Variants in PLSCR1 observed in about 807,000 individuals in gnomAD.
PLSCR1 encodes the protein PL scramblase 1.
Under a neutral mutation model 37.8 loss-of-function variants are expected in PLSCR1, and 17 were observed. That is an observed-to-expected ratio of 0.45 (90% CI 0.31 to 0.68). The LOEUF (loss-of-function observed/expected upper bound fraction) is 0.68. Ranked by LOEUF, PLSCR1 falls within the 30% of genes least tolerant of loss-of-function variation. PLSCR1 has a pLI of 0.06. For synonymous variants in PLSCR1, 116 were observed against 125.9 expected, an observed-to-expected ratio of 0.92 and a Z score of 0.53; for missense variants, 347 against 380.9, an observed-to-expected ratio of 0.91 and a Z score of 0.74.
chr3:146,543,500 C>T (rs1325520225), intron 1 of PLSCR1, among the ~76,000 whole-genome samples: 1 of 152,214 alleles, frequency 6.6e-6, no homozygotes, highest in Non-Finnish European at 1.5e-5. Context: ...AACTGTCTGA[C>T]ACGTTTAAGT....
intron 7 of PLSCR1, among the ~76,000 whole-genome samples, chr3:146,519,872 A>T (rs919071889): frequency 6.6e-6 from 1 of 152,062 alleles, no homozygotes; most frequent in African/African-American, 2.4e-5. Flanking sequence ...TATCTCCAAA[A>T]TTTTTTTCAT....
At chr3:146,527,265 A>G (rs115956534) in intron 4 of PLSCR1, among the ~76,000 whole-genome samples, 1,898 of 152,340 alleles carry the variant, frequency 0.012, 41 homozygotes, top group African/African-American at 0.044. Flanking sequence ...CTAGTGTTCT[A>G]TAGCTATGTA....
At chr3:146,536,159 T>C (rs868742505) in intron 2 of PLSCR1, among the ~76,000 whole-genome samples, 15 of 152,198 alleles carry the variant, frequency 9.9e-5, no homozygotes, top group African/African-American at 3.4e-4. Context: ...GGTGTGTATC[T>C]GAGGAGTTTA....
At chr3:146,521,476 T>C in intron 7 of PLSCR1, 68 bp downstream of exon 7, 1 of 1,324,588 alleles carries the variant, frequency 7.5e-7, no homozygotes, top group Non-Finnish European at 1.1e-6. Flanking sequence ...GCATTTATAA[T>C]GTCCTGCAAA....
At chr3:146,516,856 A>T (rs2043954099) in intron 8 of PLSCR1, 150 bp downstream of exon 8, 4 of 583,046 alleles carry the variant, frequency 6.9e-6, no homozygotes, top group Non-Finnish European at 1.2e-5. Flanking sequence ...GTCAGGATCA[A>T]ATAGAATTTC....
In PLSCR1 at chr3:146,528,794, G is replaced by T; in HGVS notation, c.132C>A (p.Val44=). 6.2e-7 allele frequency: 1 copy of T among 1,613,964 alleles called. No individual in the cohort carries two copies. The highest frequency in any genetic ancestry group is 1.1e-5 in the South Asian group (1 of 91,082). ...PGYSGYPGPQ[V]SYPPPPAGHS... ...GGCCGGCTGGTGGGGGTGGGTAGCT[G>T]ACCTGGGGCCCAGGGTAGCCACTAT... The change falls in exon 4 of 9, where the codon GTC becomes GTA. Residue 44 remains valine (V), a synonymous_variant. Transcript: ENST00000342435.
chr3:146,532,158 A>G (rs1352278409), intron 3 of PLSCR1, among the ~76,000 whole-genome samples: 1 of 152,206 alleles, frequency 6.6e-6, no homozygotes, highest in African/African-American at 2.4e-5. Context: ...ATCTATATAT[A>G]TAAACAAACT....
chr3:146,525,922 G>A (rs1279949800), intron 4 of PLSCR1, among the ~76,000 whole-genome samples: 1 of 151,898 alleles, frequency 6.6e-6, no homozygotes, highest in African/African-American at 2.4e-5. Context: ...GGTGGCTCAT[G>A]CCTGTAATCC....
chr3:146,516,044 A>T lies in PLSCR1; in HGVS notation c.*1T>A, dbSNP rs2043941409. 2 of 1,598,658 alleles carry T rather than the reference A, an allele frequency of 1.3e-6. No homozygotes were observed. The highest frequency in any genetic ancestry group is 2.7e-5 in the African/African-American group (2 of 74,576). Reference sequence around the variant, plus strand: ...TTCCTGAGGAGACTTTCACTAATCCACTACCACACTCCTGATTTTTGTTCC... The same window carrying T: ...TTCCTGAGGAGACTTTCACTAATCCTCTACCACACTCCTGATTTTTGTTCC... On this transcript the variant is annotated 3_prime_UTR_variant, in exon 9 of 9. Coordinates refer to ENST00000342435, the MANE Select transcript of PLSCR1 (RefSeq NM_021105.3).
At chr3:146,541,917 C>G (rs1445418711) in intron 1 of PLSCR1, among the ~76,000 whole-genome samples, 1 of 152,144 alleles carries the variant, frequency 6.6e-6, no homozygotes, top group Non-Finnish European at 1.5e-5. Flanking sequence ...GCTGTCTTGC[C>G]CTTCCACTTT....
chr3:146,526,531 T>C (rs2044119273), intron 4 of PLSCR1, among the ~76,000 whole-genome samples: 2 of 152,300 alleles, frequency 1.3e-5, no homozygotes, highest in Admixed American at 6.5e-5. Context: ...TTCAAAATTT[T>C]CAAAACAAAA....
At chr3:146,531,308 AAG>A (rs1316486343) in intron 3 of PLSCR1, among the ~76,000 whole-genome samples, 2 of 152,188 alleles carry the variant, frequency 1.3e-5, no homozygotes, top group African/African-American at 4.8e-5. Flanking sequence ...GAGGAAGTTA[AAG>A]AGAGAGCATG....
chr3:146,541,839 G>A (rs1325121265), intron 1 of PLSCR1, among the ~76,000 whole-genome samples: 4 of 152,144 alleles, frequency 2.6e-5, no homozygotes, highest in African/African-American at 7.2e-5. Flanking sequence ...GATTAATGTC[G>A]TTATCTTGGG....
At chr3:146,519,280 T>C (rs1050552976) in intron 7 of PLSCR1, among the ~76,000 whole-genome samples, 2 of 152,080 alleles carry the variant, frequency 1.3e-5, no homozygotes, top group Non-Finnish European at 2.9e-5. Flanking sequence ...TGAATACTAA[T>C]GAAAATCTAG....
Position 146,515,383 on chromosome 3 carries a change from A to C in PLSCR1, c.*662T>G, listed in dbSNP as rs2043933572. 6.6e-6 allele frequency: 1 copy of C among 152,154 alleles called. No individual in the cohort carries two copies. Among genetic ancestry groups the C allele is most frequent in the Admixed American group, 6.5e-5 (1 of 15,272 alleles). 9.4% of individuals were successfully genotyped at this position (152,154 alleles called of 1,614,324 possible). A position where few individuals can be genotyped will look rare whatever the true frequency, so the allele number is the denominator to read the frequency against. ...TCAAAAGTTATAATACCAGAGTTTT[A>C]GAGTGAAGGAGTATTTAAAATGTGT... On this transcript the variant is annotated 3_prime_UTR_variant, in exon 9 of 9. Transcript: ENST00000342435.
chr3:146,516,691 T>C (rs2043951525), intron 8 of PLSCR1: 1 of 202,372 alleles, frequency 4.9e-6, no homozygotes, highest in African/African-American at 2.3e-5. Flanking sequence ...TTTCCACATA[T>C]GCCTACTTTC....
intron 5 of PLSCR1, among the ~76,000 whole-genome samples, chr3:146,523,666 C>G (rs2108631836): frequency 6.6e-6 from 1 of 152,298 alleles, no homozygotes; most frequent in South Asian, 2.1e-4. Context: ...ACCAAGGCTT[C>G]AACTCACAGA....
At position 146,522,203 on chromosome 3, in the gene PLSCR1, A is replaced by C. The variant is rs2044032500; in HGVS notation, c.356-150T>G. On this transcript the variant is annotated intron_variant, in intron 5 of 8. Coordinates refer to ENST00000342435, the MANE Select transcript of PLSCR1 (RefSeq NM_021105.3). ...AATGATGTTTAGAGATGATCCAGAC[A>C]GAGAAAAATGGCAAAAAAAAGGAGA... 1.1e-5 allele frequency: 7 copies of C among 631,074 alleles called. No individual in the cohort carries two copies. The Admixed American group carries it at 1.4e-4, about 13-fold the overall frequency. The allele number at this position is 631,074 out of a possible 1,614,324, so 39.1% of individuals were successfully genotyped here.
intron 7 of PLSCR1, among the ~76,000 whole-genome samples, chr3:146,520,384 T>G (rs549457469): frequency 1.3e-5 from 2 of 152,242 alleles, no homozygotes; most frequent in African/African-American, 4.8e-5. Context: ...GAATGAGAAA[T>G]TACTTTTCAC....
Sources: gnomAD v4.1 joint callset for allele counts (sites outside exome capture counted in the v4.1 genomes callset) on GRCh38, gnomAD v4.1.1 for gene constraint, MANE v1.5 for transcripts, NCBI Gene and HGNC (gene_info 2026-07-23, HGNC 2026-07-21) for gene names.